HEATR9: variants seen among roughly 807,000 people sequenced by gnomAD.
HEATR9 encodes the protein HEAT repeat containing 9.
In HEATR9, 54 loss-of-function variants were observed where a neutral mutation model predicts 68.2. The observed-to-expected ratio is 0.79, with a 90% CI of 0.64 to 0.99. The LOEUF (loss-of-function observed/expected upper bound fraction) is 0.99. Ranked by LOEUF, HEATR9 falls within the 50% of genes least tolerant of loss-of-function variation. The pLI is 0.00. For synonymous variants in HEATR9, 241 were observed against 253.5 expected (o/e 0.95, Z 0.47); for missense variants, 662 against 679.7 (o/e 0.97, Z 0.29).
At chr17:35,865,511 G>C in intron 2 of HEATR9, 115 bp from the exon 3 acceptor site, 2 of 699,414 alleles carry the variant, frequency 2.9e-6, no homozygotes, top group South Asian at 3.7e-5. Flanking sequence ...ATGCCCTCTA[G>C]CCTCTCATCT....
intron 8 of HEATR9, among the ~76,000 whole-genome samples, chr17:35,860,903 G>A (rs1250420625): frequency 6.6e-6 from 1 of 152,026 alleles, no homozygotes; most frequent in Non-Finnish European, 1.5e-5. Flanking sequence ...AAAATTAGCC[G>A]GGCGTGGTGG....
In HEATR9 at chr17:35,864,536, C is replaced by T; in HGVS notation, c.471G>A (p.Leu157=). The T allele has an allele frequency of 2.5e-6, 4 of 1,613,998 alleles. No individual in the cohort carries two copies. The highest frequency in any genetic ancestry group is 2.2e-5 in the East Asian group (1 of 44,874). Residue 157 remains leucine (L), a synonymous_variant, in exon 5 of 15, where the codon CTG becomes CTA. Transcript: ENST00000604834. ...ACTGCTCATCCTCTCTGGGAGATTC[C>T]AGGCTTTTTGTGAGTTCCTGCCCAT... ...WQRLRELTKS[L]ESPREDEQFY... is the part of the protein sequence containing the mutation.
intron 6 of HEATR9, 51 bp downstream of exon 6, chr17:35,864,195 T>A: frequency 6.7e-7 from 1 of 1,502,960 alleles, no homozygotes; most frequent in Non-Finnish European, 9.3e-7. Context: ...ATGCCACACA[T>A]CTCAGACCCT....
chr17:35,856,981 G>C (rs1164755297), intron 11 of HEATR9, among the ~76,000 whole-genome samples, 176 bp from the exon 12 acceptor site: 1 of 107,816 alleles, frequency 9.3e-6, no homozygotes, highest in African/African-American at 3.7e-5. Context: ...TACTGTGTAG[G>C]GGTACACATA....
In HEATR9 at chr17:35,864,539, G is replaced by A. The variant is rs199583629; in HGVS notation, c.468C>T (p.Ser156=). ...KWQRLRELTK[S]LESPREDEQF... is the part of the protein sequence containing the mutation. ...GCTCATCCTCTCTGGGAGATTCCAGGCTTTTTGTGAGTTCCTGCCCATCCA... is the reference window on the plus strand; with the variant it reads ...GCTCATCCTCTCTGGGAGATTCCAGACTTTTTGTGAGTTCCTGCCCATCCA... The change falls in exon 5 of 15, where the codon AGC becomes AGT. Residue 156 remains serine, a synonymous_variant. Coordinates refer to ENST00000604834, the MANE Select transcript of HEATR9 (RefSeq NM_152781.4). 1.5e-5 allele frequency: 24 copies of A among 1,613,812 alleles called. No individual in the cohort carries two copies. Among genetic ancestry groups the A allele is most frequent in the Non-Finnish European group, 1.9e-5 (23 of 1,179,938 alleles).
rs1029714527 is a variant in HEATR9 at position 35,861,032 on chromosome 17, C to T, written c.757-1962G>A. ...CTGCACTCCAGCTTGGGTGACAGAG[C>T]GAGATTCGGTCTCAAAAAAAAAAAG... On this transcript the variant is annotated intron_variant, in intron 8 of 14. Coordinates refer to ENST00000604834, the MANE Select transcript of HEATR9 (RefSeq NM_152781.4). The T allele has an allele frequency of 6.5e-5, 46 of 705,382 alleles. No homozygotes were observed. In the African/African-American group the frequency reaches 7.2e-4, roughly 11 times the overall value. 43.7% of individuals were successfully genotyped at this position (705,382 alleles called of 1,614,324 possible).
In HEATR9 at chr17:35,858,947, T is replaced by G. The variant is rs751512814; in HGVS notation, c.880A>C (p.Met294Leu). The G allele has an allele frequency of 4.3e-6, 7 of 1,614,136 alleles. No homozygotes were observed. Among genetic ancestry groups the G allele is most frequent in the Non-Finnish European group, 5.9e-6 (7 of 1,180,036 alleles). The change falls in exon 9 of 15, where the codon ATG becomes CTG. Residue 294 changes from methionine (M) to leucine (L), a missense_variant. By Grantham distance (15) the Met-to-Leu change is conservative. Coordinates refer to ENST00000604834, the MANE Select transcript of HEATR9 (RefSeq NM_152781.4). ...CLGFLRPCSNMVQEFLLQCLC... is the reference protein window; with the variant it reads ...CLGFLRPCSNLVQEFLLQCLC... ...CACTGCAACAAGAACTCTTGGACCA[T>G]GTTGCTGCAAGGCCTCAGGAAACCC... is the stretch of plus-strand genomic sequence containing the variant.
At chr17:35,859,192 A>C in intron 8 of HEATR9, 122 bp from the exon 9 acceptor site, 1 of 876,860 alleles carries the variant, frequency 1.1e-6, no homozygotes, top group Non-Finnish European at 1.7e-6. Context: ...ATTTCAACCA[A>C]TTAACTTATT....
chr17:35,856,436 G>T, intron 12 of HEATR9: 1 of 1,338,682 alleles, frequency 7.5e-7, no homozygotes, highest in Non-Finnish European at 1.0e-6. Flanking sequence ...GATCAGGACT[G>T]TCCAGAAATT....
intron 2 of HEATR9, among the ~76,000 whole-genome samples, chr17:35,865,650 T>G (rs1422890629): frequency 2.0e-5 from 3 of 152,160 alleles, no homozygotes; most frequent in East Asian, 1.9e-4. Context: ...CTACCAAGGT[T>G]GTTGTAAAGA....
At chr17:35,864,345 T>C (rs1464746804) in intron 5 of HEATR9, 43 bp from the exon 6 acceptor site, 1 of 1,565,178 alleles carries the variant, frequency 6.4e-7, no homozygotes, top group East Asian at 2.2e-5. Flanking sequence ...AACTTGGACA[T>C]CATCCCCAGG....
In HEATR9 at chr17:35,864,301, G is replaced by T; in HGVS notation, c.512C>A (p.Ala171Asp). ...GTCACTGATGCGTAAGCATCCCAGA[G>T]CCTGCAGGAAGAGGGATGGAGGAAA... ...REDEQFYAAQ[A>D]LGCLRISDKF... The change falls in exon 6 of 15, where the codon GCT (alanine) becomes GAT (aspartate). Residue 171 changes from alanine to aspartate, a missense_variant and splice_region_variant. Coordinates refer to ENST00000604834, the MANE Select transcript of HEATR9 (RefSeq NM_152781.4). 1 of 1,611,150 alleles carries T rather than the reference G, an allele frequency of 6.2e-7. No homozygotes were observed. The highest frequency in any genetic ancestry group is 1.1e-5 in the South Asian group (1 of 91,024).
Position 35,858,184 on chromosome 17 carries a change from C to G in HEATR9, c.1152+16G>C. ...GTTTGGGTGTCTCTGGGCTTGGGAG[C>G]TTTGGTCTCACTTACAAGGAAGGGT... On this transcript the variant is annotated intron_variant, in intron 11 of 14. Transcript: ENST00000604834. 6.2e-7 allele frequency: 1 copy of G among 1,614,106 alleles called. No individual in the cohort carries two copies. Among genetic ancestry groups the G allele is most frequent in the Non-Finnish European group, 8.5e-7 (1 of 1,180,020 alleles).
intron 11 of HEATR9, 48 bp from the exon 12 acceptor site, chr17:35,856,853 G>GTA: frequency 6.8e-7 from 1 of 1,475,364 alleles, no homozygotes; most frequent in South Asian, 1.2e-5. Context: ...ATGCAAGGGT[G>GTA]TACACTTAAG....
rs768697806 is a variant in HEATR9 at position 35,864,843 on chromosome 17, G to A, written c.368C>T (p.Pro123Leu). 1 of 1,614,044 alleles carries A rather than the reference G, an allele frequency of 6.2e-7. No homozygotes were observed. Among genetic ancestry groups the A allele is most frequent in the African/African-American group, 1.3e-5 (1 of 74,916 alleles). ...AGATTTTATAGTCAGCTTGCTCATT[G>A]GGAGATGGAACATTTTGATGTGGGT... ...HQTHIKMFHL[P>L]MSKLTIKSEM... is the part of the protein sequence containing the mutation. The change falls in exon 4 of 15, where the codon CCA becomes CTA. Residue 123 changes from proline (P) to leucine (L), a missense_variant. Transcript: ENST00000604834.
At chr17:35,861,462 CT>C (rs762632399) in intron 8 of HEATR9, 225 of 1,545,100 alleles carry the variant, frequency 1.5e-4, no homozygotes, top group Admixed American at 5.0e-4. Flanking sequence ...TTCTATGACA[CT>C]TAGATTTACA....
rs764217456 is a variant in HEATR9 at position 35,858,167 on chromosome 17, GTC to G, written c.1152+31_1152+32del. On this transcript the variant is annotated intron_variant, in intron 11 of 14. Transcript: ENST00000604834. Reference sequence around the variant, plus strand: ...ACACGGAAAAGAGAAAGGTTTGGGTGTCTCTGGGCTTGGGAGCTTTGGTCTCA... The same window carrying G: ...ACACGGAAAAGAGAAAGGTTTGGGTGTCTGGGCTTGGGAGCTTTGGTCTCA... The G allele has an allele frequency of 4.3e-6, 7 of 1,613,862 alleles. No homozygotes were observed. In the South Asian group the frequency reaches 7.7e-5, roughly 18 times the overall value.
In HEATR9 at chr17:35,855,706, C is replaced by G. The variant is rs1281237792; in HGVS notation, c.1323G>C (p.Leu441=). The stretch of plus-strand genomic sequence containing the variant: ...GGTGGTTTTCTGCATCTAGTAAGTC[C>G]AGGAGCAAGTGGAACACTTGTGGAC... ...IRSPQVFHLL[L]DLLDAENHQA... Residue 441 remains leucine (L), a synonymous_variant, in exon 14 of 15, where the codon CTG becomes CTC. Transcript: ENST00000604834. The G allele has an allele frequency of 1.5e-5, 24 of 1,613,940 alleles. No individual in the cohort carries two copies. Among genetic ancestry groups the G allele is most frequent in the Non-Finnish European group, 1.9e-5 (22 of 1,180,018 alleles).
Position 35,863,517 on chromosome 17 carries a change from T to C in HEATR9, c.610A>G (p.Thr204Ala), listed in dbSNP as rs760853295. ...PEKVKYEAYRTLAILGCLNKH... is the reference protein window; with the variant it reads ...PEKVKYEAYRALAILGCLNKH... The stretch of plus-strand genomic sequence containing the variant: ...ACATACTCACCCAGGATGGCCAGGG[T>C]TCGGTAGGCCTCGTACTTCACTTTC... The change falls in exon 7 of 15, where the codon ACC (threonine) becomes GCC (alanine). Residue 204 changes from threonine to alanine, a missense_variant. Thr to Ala is a moderately conservative substitution (Grantham distance 58). Transcript: ENST00000604834. The C allele has an allele frequency of 1.3e-5, 21 of 1,614,068 alleles. No homozygotes were observed. Among genetic ancestry groups the C allele is most frequent in the Non-Finnish European group, 1.8e-5 (21 of 1,180,042 alleles).
Sources: allele counts gnomAD v4.1 joint callset (sites outside exome capture counted in the v4.1 genomes callset), GRCh38; gene constraint gnomAD v4.1.1; transcripts MANE v1.5; gene names NCBI Gene and HGNC (gene_info 2026-07-23, HGNC 2026-07-21).